The following PRH1 variants were observed in gnomAD, a reference collection of about 807,000 sequenced individuals.
The protein encoded by PRH1 is proline rich protein HaeIII subfamily 1.
Under a neutral mutation model 7.9 loss-of-function variants are expected in PRH1, and 7 were observed. That is an observed-to-expected ratio of 0.89 (90% CI 0.50 to 1.67). The LOEUF is 1.67. PRH1 is among the 40% of genes most tolerant of loss of function. The pLI is 0.00. For synonymous variants in PRH1, 45 were observed against 80.8 expected, an observed-to-expected ratio of 0.56 and a Z score of 2.38; for missense variants, 109 against 223.6, an observed-to-expected ratio of 0.49 and a Z score of 3.27.
chr12:11,160,235 A>G (rs1947373355), intron 1 of PRH1, among the ~76,000 whole-genome samples: 1 of 152,184 alleles, frequency 6.6e-6, no homozygotes, highest in Non-Finnish European at 1.5e-5. Context: ...ATTTTTGTTG[A>G]TGCAATATGA....
intron 1 of PRH1, among the ~76,000 whole-genome samples, chr12:11,059,478 T>C (rs1943498519): frequency 6.6e-6 from 1 of 152,200 alleles, no homozygotes; most frequent in South Asian, 2.1e-4. Context: ...ATTTTTAAAA[T>C]GAAATGCCAT....
intron 1 of PRH1, among the ~76,000 whole-genome samples, chr12:11,055,033 GCC>G (rs1943307177): frequency 6.5e-4 from 1 of 1,530 alleles, no homozygotes; most frequent in Non-Finnish European, 5.0e-3. Context: ...GACTACAGGC[GCC>G]TGCCATCAGG....
At chr12:10,969,974 T>C (rs192906529) in intron 2 of PRH1, among the ~76,000 whole-genome samples, 4 of 152,264 alleles carry the variant, frequency 2.6e-5, no homozygotes, top group Admixed American at 2.6e-4. Context: ...CTAATTTTTG[T>C]ATTTTTAAGC....
chr12:11,059,888 T>C (rs1943513171), intron 1 of PRH1, among the ~76,000 whole-genome samples: 2 of 152,124 alleles, frequency 1.3e-5, no homozygotes, highest in South Asian at 4.1e-4. Flanking sequence ...TAAAATATCA[T>C]TTTTGACCAT....
chr12:10,918,431 AT>A (rs1475050371), intron 2 of PRH1, among the ~76,000 whole-genome samples: 2 of 152,216 alleles, frequency 1.3e-5, no homozygotes, highest in Non-Finnish European at 2.9e-5. Context: ...GCAAAAAAAA[AT>A]AAATTATCCA....
At chr12:10,909,359 C>T in intron 2 of PRH1, 2 of 1,201,528 alleles carry the variant, frequency 1.7e-6, no homozygotes, top group Non-Finnish European at 2.4e-6. Context: ...ATCTAAAATG[C>T]TATTCACATC....
chr12:11,063,057 C>T (rs966341306), intron 1 of PRH1, among the ~76,000 whole-genome samples: 13 of 152,060 alleles, frequency 8.5e-5, no homozygotes, highest in Admixed American at 2.6e-4. Flanking sequence ...CCTATTTTCC[C>T]ACTCAGGGCT....
At chr12:11,103,386 G>A (rs537283885) in intron 1 of PRH1, among the ~76,000 whole-genome samples, 1 of 152,228 alleles carries the variant, frequency 6.6e-6, no homozygotes, top group Non-Finnish European at 1.5e-5. Context: ...CACGTCCCTT[G>A]TAGGGACGTG....
At chr12:11,162,444 T>G (rs35021653) in intron 1 of PRH1, among the ~76,000 whole-genome samples, 2 of 151,972 alleles carry the variant, frequency 1.3e-5, no homozygotes, top group African/African-American at 4.8e-5. Flanking sequence ...TCCCAGACCA[T>G]GAGGGACTAC....
At chr12:11,105,459 C>T (rs1322237244) in intron 1 of PRH1, among the ~76,000 whole-genome samples, 1 of 152,108 alleles carries the variant, frequency 6.6e-6, no homozygotes, top group Non-Finnish European at 1.5e-5. Context: ...AGGAAAGCAT[C>T]TCAATATGCC....
chr12:10,929,466 G>A (rs1565477828), intron 2 of PRH1: 1 of 1,133,972 alleles, frequency 8.8e-7, no homozygotes, highest in African/African-American at 1.5e-5. Context: ...TCATGCCAAG[G>A]ATCAGAAGAC....
At chr12:10,938,861 T>A (rs763842329) in intron 2 of PRH1, 2 of 1,613,518 alleles carry the variant, frequency 1.2e-6, no homozygotes, top group Non-Finnish European at 1.7e-6. Flanking sequence ...AAAAATAGAG[T>A]TAGAAAAATT....
chr12:11,031,305 T>G (rs1243953720), intron 1 of PRH1: 26 of 1,612,182 alleles, frequency 1.6e-5, no homozygotes, highest in Non-Finnish European at 2.2e-5. Context: ...ACTACCACAC[T>G]GGAAAAAATG....
At chr12:10,886,508 G>C (rs137857065), upstream of PRH1, among the ~76,000 whole-genome samples, 1 of 152,284 alleles carries the variant, frequency 6.6e-6, no homozygotes, top group East Asian at 1.9e-4. Context: ...GCTCTCACTA[G>C]ACACATCAAA....
rs200842780 is a variant in PRH1, at chr12:10,908,746, T to C, written c.-58-24471A>G. 1.9e-6 allele frequency: 3 copies of C among 1,613,998 alleles called. No homozygotes were observed. Among genetic ancestry groups the C allele is most frequent in the Non-Finnish European group, 2.5e-6 (3 of 1,179,922 alleles). Reference sequence around the variant, plus strand: ...ACAGTAAATGGTGTTAGACTGAACATAGTCATAGTGAATTTGACCGACACT... The same window carrying C: ...ACAGTAAATGGTGTTAGACTGAACACAGTCATAGTGAATTTGACCGACACT... On this transcript the variant is annotated intron_variant, in intron 2 of 3. Coordinates refer to the PRH1 transcript ENST00000539853.
chr12:11,041,263 A>G (rs1236259226), intron 1 of PRH1, among the ~76,000 whole-genome samples: 1 of 150,630 alleles, frequency 6.6e-6, no homozygotes, highest in African/African-American at 2.4e-5. Flanking sequence ...AGGGATGGAA[A>G]AAGATATTCC....
intron 1 of PRH1, among the ~76,000 whole-genome samples, chr12:11,056,639 G>A (rs1278596501): frequency 6.6e-6 from 1 of 152,106 alleles, no homozygotes; most frequent in African/African-American, 2.4e-5. Context: ...CCAACATGGT[G>A]AAACTCTATA....
chr12:10,969,758 G>A (rs1938706591), intron 2 of PRH1, among the ~76,000 whole-genome samples: 2 of 151,966 alleles, frequency 1.3e-5, no homozygotes, highest in African/African-American at 2.4e-5. Context: ...TCTTTCAAAT[G>A]GTTATTTGCA....
intron 1 of PRH1, among the ~76,000 whole-genome samples, chr12:11,054,482 T>G (rs1452561545): frequency 6.6e-6 from 1 of 152,226 alleles, no homozygotes; most frequent in Admixed American, 6.5e-5. Flanking sequence ...ACACTAAATA[T>G]GCTTTATGCC....
Sources: gnomAD v4.1 joint callset for allele counts (sites outside exome capture counted in the v4.1 genomes callset) on GRCh38, gnomAD v4.1.1 for gene constraint, MANE v1.5 for transcripts, NCBI Gene and HGNC (gene_info 2026-07-23, HGNC 2026-07-21) for gene names.